The following SYN3 variants were observed in gnomAD, a reference collection of about 807,000 sequenced individuals.
SYN3 encodes synapsin-3.
Under a neutral mutation model 65.8 loss-of-function variants are expected in SYN3, and 35 were observed. The observed-to-expected ratio is 0.53, with a 90% confidence interval of 0.41 to 0.70. SYN3 has a LOEUF of 0.70. Among genes scored for constraint, SYN3 ranks in the 30% least tolerant of loss-of-function variants. The pLI is 0.00. For synonymous variants in SYN3, 270 were observed against 292.9 expected, an observed-to-expected ratio of 0.92 and a Z score of 0.80; for missense variants, 680 against 749.0, an observed-to-expected ratio of 0.91 and a Z score of 1.08.
intron 6 of SYN3, among the ~76,000 whole-genome samples, chr22:32,597,072 C>T (rs1046791339): frequency 1.3e-5 from 2 of 152,128 alleles, no homozygotes; most frequent in African/African-American, 4.8e-5. Flanking sequence ...GCCTCAGTTT[C>T]TTCATTTGTC....
chr22:32,907,487 T>C (rs148665726), intron 4 of SYN3, among the ~76,000 whole-genome samples: 2 of 152,286 alleles, frequency 1.3e-5, no homozygotes, highest in Non-Finnish European at 2.9e-5. Flanking sequence ...AAATGCCTAC[T>C]ATGTGCCAGG....
chr22:32,909,333 C>T lies in SYN3; in HGVS notation c.461+22057G>A, dbSNP rs564208876. 8.5e-5 allele frequency among the ~76,000 whole-genome samples: 13 copies of T among 152,266 alleles called. 1 individual carries two copies. In the South Asian group the frequency reaches 2.5e-3, roughly 29 times the overall value. On this transcript the variant is annotated intron_variant, in intron 4 of 13. Transcript: ENST00000358763. ...CCTTCACAACCATTAGCTGTGTGACCCTGAGCAAGTGACTTTGCCTCTCTG... is the reference window on the plus strand; with the variant it reads ...CCTTCACAACCATTAGCTGTGTGACTCTGAGCAAGTGACTTTGCCTCTCTG...
intron 3 of SYN3, among the ~76,000 whole-genome samples, chr22:32,936,680 A>G (rs1156599931): frequency 6.6e-6 from 1 of 152,164 alleles, no homozygotes; most frequent in East Asian, 1.9e-4. Flanking sequence ...GAGGGTAAAG[A>G]CCTTGTCAAA....
intron 3 of SYN3, among the ~76,000 whole-genome samples, chr22:32,976,188 C>G (rs2052180414): frequency 6.6e-6 from 1 of 152,186 alleles, no homozygotes; most frequent in African/African-American, 2.4e-5. Context: ...AACCCCATCC[C>G]AACCCAATAT....
intron 6 of SYN3, among the ~76,000 whole-genome samples, chr22:32,788,431 C>T (rs544859577): frequency 6.6e-6 from 1 of 152,170 alleles, no homozygotes; most frequent in Admixed American, 6.5e-5. Flanking sequence ...ATCCTAGCTA[C>T]TCAGGAGGCT....
intron 4 of SYN3, among the ~76,000 whole-genome samples, chr22:32,905,010 A>C (rs1178532459): frequency 2.6e-5 from 4 of 152,192 alleles, no homozygotes; most frequent in Admixed American, 2.6e-4. Flanking sequence ...AGAACCCCCA[A>C]TTGCAAGCCC....
At position 32,533,857 on chromosome 22, in the gene SYN3, C is replaced by T; in HGVS notation, c.1031G>A (p.Gly344Asp). Residue 344 changes from glycine (G) to aspartate (D), a missense_variant, in exon 10 of 14, where the codon GGC (glycine) becomes GAC (aspartate). Transcript: ENST00000358763. ...CTTGACGGCACAGATGTCCAGGCCG[C>T]CAAACATTTCCGAGCAGCTGTCCAC... ...LWVDSCSEMF[G>D]GLDICAVKAV... 1 of 1,613,978 alleles carries T rather than the reference C, an allele frequency of 6.2e-7. No homozygotes were observed. The highest frequency in any genetic ancestry group is 1.1e-5 in the South Asian group (1 of 91,062).
chr22:33,032,836 A>G (rs2053779033), intron 1 of SYN3, among the ~76,000 whole-genome samples: 1 of 152,078 alleles, frequency 6.6e-6, no homozygotes, highest in African/African-American at 2.4e-5. Flanking sequence ...TTCAAGATGT[A>G]CTGCTTTTTT....
In SYN3 at chr22:32,853,901, G is replaced by C. The variant is rs73158355; in HGVS notation, c.711+11014C>G. ...AGTAACTTTCCAAGTGGCGAACACA[G>C]GTGGCAGAGAAGATTGAAGATTCAA... On this transcript the variant is annotated intron_variant, in intron 6 of 13. Coordinates refer to ENST00000358763, the MANE Select transcript of SYN3 (RefSeq NM_003490.4). 5.2e-3 allele frequency among the ~76,000 whole-genome samples: 786 copies of C among 152,320 alleles called. 5 individuals carry two copies. Among genetic ancestry groups the C allele is most frequent in the Middle Eastern group, 0.017 (5 of 294 alleles).
intron 6 of SYN3, among the ~76,000 whole-genome samples, chr22:32,803,316 C>A (rs899378503): frequency 6.6e-6 from 1 of 151,472 alleles, no homozygotes; most frequent in African/African-American, 2.4e-5. Flanking sequence ...ACTCTACCAG[C>A]GTGTTGTGGT....
intron 4 of SYN3, among the ~76,000 whole-genome samples, chr22:32,928,826 T>A (rs1394365290): frequency 6.6e-6 from 1 of 152,242 alleles, no homozygotes; most frequent in Non-Finnish European, 1.5e-5. Flanking sequence ...TAACAGTCTT[T>A]CCTGCACCTC....
intron 6 of SYN3, among the ~76,000 whole-genome samples, chr22:32,720,839 A>G (rs896807947): frequency 6.6e-6 from 1 of 152,232 alleles, no homozygotes; most frequent in African/African-American, 2.4e-5. Context: ...CCCAGAGCTC[A>G]GAAGCCCTCT....
At chr22:33,011,216 A>G (rs112709989) in intron 1 of SYN3, among the ~76,000 whole-genome samples, 2,384 of 152,296 alleles carry the variant, frequency 0.016, 22 homozygotes, top group Middle Eastern at 0.037. Flanking sequence ...GGTTTTTGGT[A>G]AATCCACTTT....
intron 6 of SYN3, among the ~76,000 whole-genome samples, chr22:32,793,679 A>T (rs982192921): frequency 2.0e-5 from 3 of 152,204 alleles, no homozygotes; most frequent in Admixed American, 6.5e-5. Flanking sequence ...TCCTCCAAAC[A>T]CTTGATCATC....
At chr22:32,804,918 T>C (rs987230923) in intron 6 of SYN3, among the ~76,000 whole-genome samples, 1 of 152,082 alleles carries the variant, frequency 6.6e-6, no homozygotes, top group Non-Finnish European at 1.5e-5. Context: ...GGGAGGGGGC[T>C]GGAGATGAAG....
At chr22:32,942,301 T>G (rs1047080996) in intron 3 of SYN3, among the ~76,000 whole-genome samples, 2 of 152,226 alleles carry the variant, frequency 1.3e-5, no homozygotes, top group Non-Finnish European at 2.9e-5. Flanking sequence ...TATTCGCTGT[T>G]CTGCAGCCTC....
intron 6 of SYN3, among the ~76,000 whole-genome samples, chr22:32,638,593 G>T (rs142827638): frequency 6.6e-5 from 10 of 152,138 alleles, no homozygotes; most frequent in African/African-American, 2.4e-4. Context: ...TATGTTTGTT[G>T]GCCTCTTGTA....
intron 4 of SYN3, among the ~76,000 whole-genome samples, chr22:32,909,669 G>C (rs1438460929): frequency 2.4e-5 from 3 of 126,800 alleles, no homozygotes; most frequent in African/African-American, 9.2e-5. Context: ...CCGGCTCAGT[G>C]CCTGGCTGCT....
chr22:32,925,491 G>C (rs2050444705), intron 4 of SYN3, among the ~76,000 whole-genome samples: 1 of 152,194 alleles, frequency 6.6e-6, no homozygotes, highest in African/African-American at 2.4e-5. Flanking sequence ...CAAATACCTG[G>C]AACATTTCTG....
Sources: gnomAD v4.1 joint callset for allele counts (sites outside exome capture counted in the v4.1 genomes callset) on GRCh38, gnomAD v4.1.1 for gene constraint, MANE v1.5 for transcripts, NCBI Gene and HGNC (gene_info 2026-07-23, HGNC 2026-07-21) for gene names.